The following SARDH variants were observed in gnomAD, a reference collection of about 807,000 sequenced individuals.
The protein encoded by SARDH is sarcosine dehydrogenase, also known as sarcosine dehydrogenase, mitochondrial.
SARDH carries 95 observed loss-of-function variants against 109.1 expected under a neutral mutation model. That is an observed-to-expected ratio of 0.87 (90% confidence interval 0.74 to 1.03). The LOEUF is 1.03. SARDH is among the 50% of genes least tolerant of loss of function. The pLI is 0.00. For missense variants in SARDH, 1,267 were observed against 1,287.8 expected, an observed-to-expected ratio of 0.98 and a Z score of 0.25; for synonymous variants, 572 against 534.8, an observed-to-expected ratio of 1.07 and a Z score of -0.96.
chr9:133,676,062 GCCTGGGTGACAGACTAAGAC>G (rs1335637281), intron 17 of SARDH, among the ~76,000 whole-genome samples: 2 of 151,554 alleles, frequency 1.3e-5, no homozygotes, highest in African/African-American at 4.9e-5. Context: ...CTGCACTCCA[GCCTGGGTGACAGACTAAGAC>G]CCTGTCTGAA....
chr9:133,719,544 AT>A lies in SARDH; in HGVS notation c.916-503del, dbSNP rs946945541. Among the ~76,000 whole-genome samples, 113 of 152,074 alleles carry A rather than the reference AT, an allele frequency of 7.4e-4. 4 individuals are homozygous for A. The highest frequency in any genetic ancestry group is 2.1e-4 in the Non-Finnish European group (14 of 67,996). On this transcript the variant is annotated intron_variant, in intron 6 of 20. Coordinates refer to ENST00000439388, the MANE Select transcript of SARDH (RefSeq NM_001134707.2). ...ACCCCAGGTCCCTCTTCAGGGGGTG[AT>A]GCGCTTGCTCATGTATGGAAGGATC...
chr9:133,673,443 C>G (rs975354946), intron 17 of SARDH, among the ~76,000 whole-genome samples: 3 of 152,222 alleles, frequency 2.0e-5, no homozygotes, highest in African/African-American at 7.2e-5. Flanking sequence ...GTGGAAAGGC[C>G]CTCCCTGTAC....
intron 17 of SARDH, among the ~76,000 whole-genome samples, chr9:133,680,578 C>T (rs1031203270): frequency 6.6e-6 from 1 of 152,226 alleles, no homozygotes; most frequent in Non-Finnish European, 1.5e-5. Context: ...GCCCACACCT[C>T]CCCAGGGCCC....
At chr9:133,734,241 G>C in intron 1 of SARDH, 38 bp from the exon 2 acceptor site, 1 of 1,380,902 alleles carries the variant, frequency 7.2e-7, no homozygotes. Flanking sequence ...GTGCAGAGGG[G>C]ACACGCTGGG....
At position 133,718,980 on chromosome 9, in the gene SARDH, C is replaced by A. The variant is rs1165514355; in HGVS notation, c.978G>T (p.Leu326Phe). 1 of 1,614,210 alleles carries A rather than the reference C, an allele frequency of 6.2e-7. No homozygotes were observed. The highest frequency in any genetic ancestry group is 2.2e-5 in the East Asian group (1 of 44,888). The change falls in exon 7 of 21, where the codon TTG (leucine) becomes TTT (phenylalanine). Residue 326 changes from leucine to phenylalanine, a missense_variant. Coordinates refer to ENST00000439388, the MANE Select transcript of SARDH (RefSeq NM_001134707.2). This position sits in a 1 kb window ranked among gnomAD's most constrained non-coding sequence, Gnocchi z 4.2. ...GGTTGGCCTCATAGCCACCCACAGACAAGGCATCCCCTTGGAGGCGGAGGT... is the reference window on the plus strand; with the variant it reads ...GGTTGGCCTCATAGCCACCCACAGAAAAGGCATCCCCTTGGAGGCGGAGGT... ...SVYLRLQGDA[L>F]SVGGYEANPI...
At chr9:133,707,271 C>T (rs940697170) in intron 11 of SARDH, among the ~76,000 whole-genome samples, 1 of 152,168 alleles carries the variant, frequency 6.6e-6, no homozygotes, top group African/African-American at 2.4e-5. Flanking sequence ...GAGCTGACTG[C>T]GAGAGGAGCA....
intron 14 of SARDH, among the ~76,000 whole-genome samples, chr9:133,694,976 T>A (rs1261567178): frequency 6.6e-6 from 1 of 151,426 alleles, no homozygotes; most frequent in Non-Finnish European, 1.5e-5. Context: ...GTCTGGGGAG[T>A]GGGTTTGTTG....
Position 133,693,074 on chromosome 9 carries a change from A to G in SARDH, c.1921+1184T>C, listed in dbSNP as rs1300826654. On this transcript the variant is annotated intron_variant, in intron 15 of 20. Coordinates refer to ENST00000439388, the MANE Select transcript of SARDH (RefSeq NM_001134707.2). The surrounding 1 kb of genome is among the most constrained non-coding windows in gnomAD (Gnocchi z 5.6). ...CGCTGTCTTCCCACCCTGGCCCCCA[A>G]TATCCCACCCCCTCCGGTCTTCATT... Among the ~76,000 whole-genome samples the G allele has an allele frequency of 6.6e-6, 1 of 150,724 alleles. No individual in the cohort carries two copies. The highest frequency in any genetic ancestry group is 1.5e-5 in the Non-Finnish European group (1 of 67,668).
intron 6 of SARDH, among the ~76,000 whole-genome samples, chr9:133,727,293 G>T (rs1022225584): frequency 4.3e-4 from 66 of 152,332 alleles, no homozygotes; most frequent in African/African-American, 1.5e-3. Flanking sequence ...CAAGAAGAAA[G>T]ATGAACCACA....
Position 133,694,489 on chromosome 9 carries a change from C to T in SARDH, c.1808-118G>A, listed in dbSNP as rs1163288982. ...CCTTGTCACGGAGGCTGGATAACCC[C>T]CAGACAGGATGCCCTACTGGGAGGT... On this transcript the variant is annotated intron_variant, in intron 14 of 20. Transcript: ENST00000439388. 4 of 843,284 alleles carry T rather than the reference C, an allele frequency of 4.7e-6. No individual in the cohort carries two copies. In the Admixed American group the frequency reaches 9.3e-5, roughly 20 times the overall value. 52.2% of individuals were successfully genotyped at this position (843,284 alleles called of 1,614,324 possible). A position where few individuals can be genotyped will look rare whatever the true frequency, so the allele number is the denominator to read the frequency against.
rs762107175 is a variant in SARDH at position 133,703,040 on chromosome 9, A to G, written c.1555-11T>C. 1 of 1,609,110 alleles carries G rather than the reference A, an allele frequency of 6.2e-7. No individual in the cohort carries two copies. The highest frequency in any genetic ancestry group is 1.7e-5 in the Admixed American group (1 of 59,672). On this transcript the variant is annotated splice_polypyrimidine_tract_variant and intron_variant, in intron 12 of 20. Transcript: ENST00000439388. Reference sequence around the variant, plus strand: ...GTCGTACTCGAGGACCTGGGAAGAAAAGACGTGGTCCTCAGCCTGCCTCTT... The same window carrying G: ...GTCGTACTCGAGGACCTGGGAAGAAGAGACGTGGTCCTCAGCCTGCCTCTT...
At chr9:133,662,458 A>G (rs547425754), downstream of SARDH, among the ~76,000 whole-genome samples, 1 of 152,164 alleles carries the variant, frequency 6.6e-6, no homozygotes, top group South Asian at 2.1e-4. The surrounding 1 kb of genome is among the most constrained non-coding windows in gnomAD (Gnocchi z 5.1). Context: ...CTCATCCAGA[A>G]GCCAGGCCCG....
intron 1 of SARDH, among the ~76,000 whole-genome samples, chr9:133,735,114 C>A (rs939147493): frequency 6.6e-6 from 1 of 152,172 alleles, no homozygotes; most frequent in Non-Finnish European, 1.5e-5. Flanking sequence ...CAGGCAGCCT[C>A]GAGACGGGGC....
rs146390106 is a variant in SARDH, at chr9:133,701,453, G to A, written c.1668+1463C>T. Among the ~76,000 whole-genome samples the A allele has an allele frequency of 1.6e-4, 24 of 152,346 alleles. 1 individual carries two copies. In the East Asian group the frequency reaches 3.9e-3, roughly 25 times the overall value. ...CAACCAAAACCCTCAGCAGCCTCCC[G>A]CGCTGGGCTCCTCTAGCAGGCCGGG... On this transcript the variant is annotated intron_variant, in intron 13 of 20. Transcript: ENST00000439388.
chr9:133,722,121 C>CACAAAAAAA (rs138176316), intron 6 of SARDH, among the ~76,000 whole-genome samples: 2 of 150,438 alleles, frequency 1.3e-5, no homozygotes, highest in Non-Finnish European at 3.0e-5. Context: ...GTCTCAAAAA[C>CACAAAAAAA]ACAAAACAAA....
At chr9:133,690,061 T>C (rs547870558) in intron 16 of SARDH, among the ~76,000 whole-genome samples, 2 of 152,306 alleles carry the variant, frequency 1.3e-5, no homozygotes, top group African/African-American at 4.8e-5. Flanking sequence ...GGGCGAAATC[T>C]GGCCTGGTTC....
Position 133,693,205 on chromosome 9 carries a change from G to A in SARDH, c.1921+1053C>T, listed in dbSNP as rs758976496. Among the ~76,000 whole-genome samples the A allele has an allele frequency of 2.0e-5, 3 of 151,960 alleles. No homozygotes were observed. Among genetic ancestry groups the A allele is most frequent in the Non-Finnish European group, 4.4e-5 (3 of 67,996 alleles). ...AACTCCACATGGGCCAGAACCTCCT[G>A]TGTTTGGCTCACTGTTGGGTCCTCC... On this transcript the variant is annotated intron_variant, in intron 15 of 20. Coordinates refer to ENST00000439388, the MANE Select transcript of SARDH (RefSeq NM_001134707.2). The surrounding 1 kb of genome is among the most constrained non-coding windows in gnomAD (Gnocchi z 5.6).
At chr9:133,665,694 C>T (rs539796282) in intron 20 of SARDH, among the ~76,000 whole-genome samples, 1 of 152,352 alleles carries the variant, frequency 6.6e-6, no homozygotes, top group East Asian at 1.9e-4. Flanking sequence ...ATGGTCTTGC[C>T]CGAGGCCTGG....
At chr9:133,671,320 G>A (rs1830338414) in intron 18 of SARDH, among the ~76,000 whole-genome samples, 1 of 152,024 alleles carries the variant, frequency 6.6e-6, no homozygotes, top group South Asian at 2.1e-4. Flanking sequence ...CACTGTCCCT[G>A]GGGCCCTGCA....
Sources: gnomAD v4.1 joint callset for allele counts (sites outside exome capture counted in the v4.1 genomes callset) on GRCh38, gnomAD v4.1.1 for gene constraint, Gnocchi (gnomAD v3.1) non-coding constraint, MANE v1.5 for transcripts, NCBI Gene and HGNC (gene_info 2026-07-23, HGNC 2026-07-21) for gene names.